TSC1: variants seen among roughly 807,000 people sequenced by gnomAD.
TSC1 encodes the protein TSC complex subunit 1.
Under a neutral mutation model 124.3 loss-of-function variants are expected in TSC1, and 20 were observed. The ratio of observed to expected loss-of-function variants is 0.16; its 90% CI spans 0.11 to 0.23. TSC1 has a LOEUF of 0.23. Among genes scored for constraint, TSC1 ranks in the 10% least tolerant of loss-of-function variants. The pLI, the probability that TSC1 is intolerant of heterozygous loss-of-function variation, is 1.00. For synonymous variants in TSC1, 493 were observed against 539.1 expected (o/e 0.91, Z 1.19); for missense variants, 1,124 against 1,448.5 (o/e 0.78, Z 3.64).
In TSC1 at chr9:132,891,885, G is replaced by T. The variant is rs926319710; in HGVS notation, c.*4350C>A. ...AAGAGGTGGGGAAAGGGAGGGAAGG[G>T]TTGGTCTGGGGGTTCTCAGACTCTC... On this transcript the variant is annotated 3_prime_UTR_variant, in exon 23 of 23. Transcript: ENST00000298552. 7 of 233,534 alleles carry T rather than the reference G, an allele frequency of 3.0e-5. No individual in the cohort carries two copies. Among genetic ancestry groups the T allele is most frequent in the African/African-American group, 1.5e-4 (7 of 45,362 alleles). The allele number at this position is 233,534 out of a possible 1,614,324, so 14.5% of individuals were successfully genotyped here. A position where few individuals can be genotyped will look rare whatever the true frequency, so the allele number is the denominator to read the frequency against.
At chr9:132,941,007 G>A (rs1238578747) in intron 1 of TSC1, 1 of 152,118 alleles carries the variant, frequency 6.6e-6, no homozygotes, top group Non-Finnish European at 1.5e-5. Context: ...ATCACCCACA[G>A]AAGGGCAAAA....
rs1173567901 is a variant in TSC1, at chr9:132,897,360, C to A, written c.2814-15G>T. The A allele has an allele frequency of 1.2e-6, 2 of 1,614,182 alleles. No homozygotes were observed. Among genetic ancestry groups the A allele is most frequent in the South Asian group, 1.1e-5 (1 of 91,078 alleles). The stretch of plus-strand genomic sequence containing the variant: ...GCAGCTGTCCTCTGAAAGATACAGA[C>A]CAGCCAGAATATAGGAAGTTCCACT... On this transcript the variant is annotated splice_polypyrimidine_tract_variant and intron_variant, in intron 21 of 22. Transcript: ENST00000298552.
chr9:132,907,493 TTTTC>T (rs761064851), intron 12 of TSC1, 123 bp from the exon 13 acceptor site: 5 of 820,684 alleles, frequency 6.1e-6, no homozygotes, highest in African/African-American at 1.7e-5. Flanking sequence ...GGATGTTTTC[TTTTC>T]TTTTTTTTTG....
Position 132,896,771 on chromosome 9 carries a change from G to A in TSC1, c.2976-17C>T. On this transcript the variant is annotated splice_polypyrimidine_tract_variant and intron_variant, in intron 22 of 22. Coordinates refer to ENST00000298552, the MANE Select transcript of TSC1 (RefSeq NM_000368.5). This position sits in a 1 kb window ranked among gnomAD's most constrained non-coding sequence, Gnocchi z 4.5. ...CAGTCAAGCCTGTAAGAAAGCCGGG[G>A]AGGAAAAAAGGAGCTGGTGATTGGA... is the stretch of plus-strand genomic sequence containing the variant. 1 of 1,613,454 alleles carries A rather than the reference G, an allele frequency of 6.2e-7. No individual in the cohort carries two copies. The highest frequency in any genetic ancestry group is 8.5e-7 in the Non-Finnish European group (1 of 1,180,022).
rs577746031 is a variant in TSC1, at chr9:132,923,239, T to C, written c.508+109A>G. 25 of 1,467,114 alleles carry C rather than the reference T, an allele frequency of 1.7e-5. No homozygotes were observed. In the East Asian group the frequency reaches 2.8e-4, roughly 16 times the overall value. 90.9% of individuals were successfully genotyped at this position (1,467,114 alleles called of 1,614,324 possible). On this transcript the variant is annotated intron_variant, in intron 6 of 22. Coordinates refer to ENST00000298552, the MANE Select transcript of TSC1 (RefSeq NM_000368.5). This position sits in a 1 kb window ranked among gnomAD's most constrained non-coding sequence, Gnocchi z 4.2. ...TCATCTGTCTGGTGAAAACCACTCA[T>C]TTCAGCTATAAAAGTCTACATGTCC...
intron 13 of TSC1, 136 bp downstream of exon 13, chr9:132,907,165 C>T (rs1401721054): frequency 2.6e-6 from 2 of 764,784 alleles, no homozygotes; most frequent in East Asian, 2.7e-5. Flanking sequence ...GAATTCACTA[C>T]TCGTTTCATT....
chr9:132,892,214 A>G lies in TSC1; in HGVS notation c.*4021T>C, dbSNP rs182163633. 3.2e-4 allele frequency: 75 copies of G among 233,370 alleles called. No individual in the cohort carries two copies. Among genetic ancestry groups the G allele is most frequent in the Non-Finnish European group, 4.3e-4 (51 of 118,120 alleles). 14.5% of individuals were successfully genotyped at this position (233,370 alleles called of 1,614,324 possible). On this transcript the variant is annotated 3_prime_UTR_variant, in exon 23 of 23. Coordinates refer to ENST00000298552, the MANE Select transcript of TSC1 (RefSeq NM_000368.5). The stretch of plus-strand genomic sequence containing the variant: ...ACAAGCCACATGGGACAAGGGTCAC[A>G]GCAGCAGCCTAGGGGCCAGTCCTCG...
rs1022700652 is a variant in TSC1, at chr9:132,900,668, C to A, written c.2625+47G>T. 6.2e-6 allele frequency: 10 copies of A among 1,612,026 alleles called. No homozygotes were observed. The African/African-American group carries it at 1.3e-4, about 22-fold the overall frequency. The stretch of plus-strand genomic sequence containing the variant: ...CATGCGGGAGACATACTGTCTGGGT[C>A]TGAAACGCTTTCCCCACTAAGGTCT... On this transcript the variant is annotated intron_variant, in intron 20 of 22. Transcript: ENST00000298552.
chr9:132,898,578 C>T (rs2131657242), intron 20 of TSC1, among the ~76,000 whole-genome samples: 1 of 152,344 alleles, frequency 6.6e-6, no homozygotes, highest in South Asian at 2.1e-4. Context: ...GCGGCTGTTC[C>T]AGCTGTGCTA....
At chr9:132,905,019 A>G (rs1845580503) in intron 15 of TSC1, among the ~76,000 whole-genome samples, 1 of 152,212 alleles carries the variant, frequency 6.6e-6, no homozygotes, top group Admixed American at 6.5e-5. Context: ...AAGCACCTGT[A>G]AAGTAGCTAA....
chr9:132,930,587 CAAAAAAA>C lies in TSC1; in HGVS notation c.-80-1642_-80-1636del, dbSNP rs58163733. ...TGGGCAACAAAGCAAGACTCTGCCT[CAAAAAAA>C]AAAAAAAAAAAAAAAAAAGAGAGAG... On this transcript the variant is annotated intron_variant, in intron 2 of 22. Transcript: ENST00000298552. Among the ~76,000 whole-genome samples the C allele has an allele frequency of 6.2e-4, 28 of 45,246 alleles. No homozygotes were observed. In the Admixed American group the frequency reaches 6.5e-3, roughly 11 times the overall value. 29.7% of individuals were successfully genotyped at this position (45,246 alleles called of 152,430 possible).
In TSC1 at chr9:132,908,901, C is replaced by CTTTTTTTTTTTTTTTTTTTTTTTTTTTTT. The variant is rs35234317; in HGVS notation, c.1264-1532_1264-1531insAAAAAAAAAAAAAAAAAAAAAAAAAAAAA. 9.1e-4 allele frequency among the ~76,000 whole-genome samples: 110 copies of CTTTTTTTTTTTTTTTTTTTTTTTTTTTTT among 121,496 alleles called. 4 individuals carry two copies. The highest frequency in any genetic ancestry group is 1.3e-3 in the African/African-American group (38 of 30,150). The allele number at this position is 121,496 out of a possible 152,430, so 79.7% of individuals were successfully genotyped here. On this transcript the variant is annotated intron_variant, in intron 12 of 22. Transcript: ENST00000298552. ...TTAAAACCCACTAGTCTACCTTGCA[C>CTTTTTTTTTTTTTTTTTTTTTTTTTTTTT]TTTTTTTTTTTTTTTTTGTGACAGT... is the stretch of plus-strand genomic sequence containing the variant.
intron 8 of TSC1, among the ~76,000 whole-genome samples, chr9:132,918,181 A>G (rs1180412203): frequency 1.3e-5 from 2 of 152,226 alleles, no homozygotes; most frequent in African/African-American, 2.4e-5. Flanking sequence ...GGAGAACAGG[A>G]GAGAGGGAAT....
At position 132,901,711 on chromosome 9, in the gene TSC1, G is replaced by A. The variant is rs1845382479; in HGVS notation, c.2392-12C>T. 1 of 1,613,150 alleles carries A rather than the reference G, an allele frequency of 6.2e-7. No homozygotes were observed. Among genetic ancestry groups the A allele is most frequent in the African/African-American group, 1.3e-5 (1 of 74,888 alleles). On this transcript the variant is annotated splice_polypyrimidine_tract_variant and intron_variant, in intron 18 of 22. Transcript: ENST00000298552. ...TCCTCCAGCTTCGTCTGCCCAAAGA[G>A]ACGTGGACATGAAGTTTGAGGAACA...
chr9:132,917,136 AT>A (rs1237574835), intron 8 of TSC1, among the ~76,000 whole-genome samples: 1 of 151,930 alleles, frequency 6.6e-6, no homozygotes, highest in East Asian at 1.9e-4. Context: ...ATGTGATTTC[AT>A]TTTTTTCTTT....
intron 12 of TSC1, among the ~76,000 whole-genome samples, chr9:132,907,647 G>A (rs191728627): frequency 3.0e-4 from 45 of 152,238 alleles, no homozygotes; most frequent in East Asian, 1.2e-3. Flanking sequence ...GCACCACCAC[G>A]CCTGGCTAAT....
rs779767990 is a variant in TSC1, at chr9:132,911,098, G to C, written c.1045C>G (p.Pro349Ala). 1.9e-6 allele frequency: 3 copies of C among 1,614,026 alleles called. No individual in the cohort carries two copies. The Admixed American group carries it at 5.0e-5, about 27-fold the overall frequency. The change falls in exon 11 of 23, where the codon CCA becomes GCA. Residue 349 changes from proline to alanine, a missense_variant. Physicochemically the swap from Pro to Ala is conservative, Grantham distance 27. Around this residue, in one of 5 missense-constraint regions of TSC1, gnomAD observed 463 missense variants for 606.8 expected, o/e 0.76. Transcript: ENST00000298552. The part of the protein sequence containing the change: ...TEPPQATLWS[P>A]SMVCGMTTPP... ...GTGGTCATACCACAAACCATAGATG[G>C]GCTCCAAAGAGTAGCCTGGGAAGTT...
rs1845329120 is a variant in TSC1 at position 132,900,760 on chromosome 9, C to G, written c.2580G>C (p.Glu860Asp). ...RQLLVLGEVNELYLEQLQNKH... is the reference protein window; with the variant it reads ...RQLLVLGEVNDLYLEQLQNKH... ...TGTTCTGCAGTTGTTCCAAATAGAG[C>G]TCGTTGACCTCCCCAAGAACCAACA... The change falls in exon 20 of 23, where the codon GAG becomes GAC. Residue 860 changes from glutamate to aspartate, a missense_variant. Around this residue, in one of 5 missense-constraint regions of TSC1, gnomAD observed 325 missense variants for 383.4 expected, o/e 0.85. Transcript: ENST00000298552. The G allele has an allele frequency of 6.2e-7, 1 of 1,614,068 alleles. No homozygotes were observed. The highest frequency in any genetic ancestry group is 1.3e-5 in the African/African-American group (1 of 74,914).
intron 8 of TSC1, among the ~76,000 whole-genome samples, chr9:132,914,186 C>T (rs918105232): frequency 6.6e-6 from 1 of 152,080 alleles, no homozygotes; most frequent in African/African-American, 2.4e-5. Flanking sequence ...AGGCGTGAGC[C>T]ACTGTACCCG....
Sources: gnomAD v4.1 joint callset for allele counts (sites outside exome capture counted in the v4.1 genomes callset) on GRCh38, gnomAD v4.1.1 for gene constraint, gnomAD v4.1.1 regional missense constraint, Gnocchi (gnomAD v3.1) non-coding constraint, MANE v1.5 for transcripts, NCBI Gene and HGNC (gene_info 2026-07-23, HGNC 2026-07-21) for gene names.